The following KLHL41 variants were observed in gnomAD, a reference collection of about 807,000 sequenced individuals.
KLHL41 encodes kelch like family member 41.
In KLHL41, 31 loss-of-function variants were observed where a neutral mutation model predicts 49.2. That is an observed-to-expected ratio of 0.63 (90% CI 0.47 to 0.85). The LOEUF (loss-of-function observed/expected upper bound fraction) is 0.85, where lower values mean the gene tolerates loss of function less well. KLHL41 is among the 40% of genes least tolerant of loss of function. KLHL41 has a pLI of 0.00. For synonymous variants in KLHL41, 218 were observed against 258.5 expected (o/e 0.84, Z 1.50); for missense variants, 663 against 726.7 (o/e 0.91, Z 1.01).
rs147294651 is a variant in KLHL41, at chr2:169,510,176, G to C, written c.398G>C (p.Gly133Ala). 3 of 1,613,942 alleles carry C rather than the reference G, an allele frequency of 1.9e-6. No homozygotes were observed. The African/African-American group carries it at 4.0e-5, about 22-fold the overall frequency. Residue 133 changes from glycine (G) to alanine (A), a missense_variant, in exon 1 of 6, where the codon GGT (glycine) becomes GCT (alanine). Coordinates refer to ENST00000284669, the MANE Select transcript of KLHL41 (RefSeq NM_006063.3). The surrounding 1 kb of genome is among the most constrained non-coding windows in gnomAD (Gnocchi z 4.2). ...VSYLQKRLAP[G>A]NCLAILRLGL... ...TATCTTCAGAAAAGACTTGCTCCTG[G>C]TAACTGTCTAGCCATCCTAAGATTA...
In KLHL41 at chr2:169,520,300, G is replaced by A. The variant is rs187613343; in HGVS notation, c.1563-561G>A. On this transcript the variant is annotated intron_variant, in intron 4 of 5. Transcript: ENST00000284669. ...AGTGTGTGTGTGTGTGTGTGTGTGT[G>A]TGTGTGTGTGTATGTGTGTGTGTGT... 8.5e-3 allele frequency among the ~76,000 whole-genome samples: 969 copies of A among 113,396 alleles called. 19 individuals carry two copies. The highest frequency in any genetic ancestry group is 0.025 in the African/African-American group (906 of 36,112). 74.4% of individuals were successfully genotyped at this position (113,396 alleles called of 152,430 possible). A position where few individuals can be genotyped will look rare whatever the true frequency, so the allele number is the denominator to read the frequency against.
intron 4 of KLHL41, among the ~76,000 whole-genome samples, chr2:169,520,053 G>A (rs1383598396): frequency 6.6e-6 from 1 of 151,690 alleles, no homozygotes; most frequent in Non-Finnish European, 1.5e-5. Flanking sequence ...AGGCTGGAAT[G>A]CAGCAATGCG....
chr2:169,511,125 G>C (rs911494726), intron 1 of KLHL41, among the ~76,000 whole-genome samples: 1 of 152,186 alleles, frequency 6.6e-6, no homozygotes, highest in Non-Finnish European at 1.5e-5. Flanking sequence ...AATGACTTAA[G>C]ATGTTCTTTA....
At chr2:169,521,745 A>G (rs944772336) in intron 5 of KLHL41, among the ~76,000 whole-genome samples, 1 of 152,206 alleles carries the variant, frequency 6.6e-6, no homozygotes, top group Non-Finnish European at 1.5e-5. Flanking sequence ...TTCTGTTTTC[A>G]ATCTAATTTA....
chr2:169,522,861 T>C (rs548742752), intron 5 of KLHL41, among the ~76,000 whole-genome samples: 12 of 151,924 alleles, frequency 7.9e-5, no homozygotes, highest in Admixed American at 7.2e-4. Flanking sequence ...CAGCTGGGAC[T>C]ACAGGTGTGC....
At chr2:169,519,354 T>C (rs1684164428) in intron 4 of KLHL41, among the ~76,000 whole-genome samples, 1 of 152,192 alleles carries the variant, frequency 6.6e-6, no homozygotes, top group South Asian at 2.1e-4. Flanking sequence ...AAACAGACTT[T>C]AGTATCTGAA....
chr2:169,521,925 G>C (rs958382625), intron 5 of KLHL41, among the ~76,000 whole-genome samples: 1 of 151,030 alleles, frequency 6.6e-6, no homozygotes, highest in Non-Finnish European at 1.5e-5. Flanking sequence ...TAAAAAAAAA[G>C]TTTGTTTTTA....
rs112320296 is a variant in KLHL41 at position 169,510,209 on chromosome 2, T to C, written c.431T>C (p.Leu144Pro). The C allele has an allele frequency of 3.1e-6, 5 of 1,614,000 alleles. No individual in the cohort carries two copies. Among genetic ancestry groups the C allele is most frequent in the Non-Finnish European group, 4.2e-6 (5 of 1,180,046 alleles). Residue 144 changes from leucine to proline, a missense_variant, in exon 1 of 6, where the codon CTT (leucine) becomes CCT (proline). Leu to Pro is a moderately conservative substitution (Grantham distance 98). Around this residue, in one of 3 missense-constraint regions of KLHL41, gnomAD observed 528 missense variants for 581.0 expected, o/e 0.91. Coordinates refer to ENST00000284669, the MANE Select transcript of KLHL41 (RefSeq NM_006063.3). The surrounding 1 kb of genome is among the most constrained non-coding windows in gnomAD (Gnocchi z 4.2). ...NCLAILRLGL[L>P]LDCPRLAISA... ...CTAGCCATCCTAAGATTAGGACTTCTTCTTGACTGCCCGAGACTCGCCATT... is the reference window on the plus strand; with the variant it reads ...CTAGCCATCCTAAGATTAGGACTTCCTCTTGACTGCCCGAGACTCGCCATT...
chr2:169,522,147 G>A (rs966219381), intron 5 of KLHL41, among the ~76,000 whole-genome samples: 1 of 152,160 alleles, frequency 6.6e-6, no homozygotes, highest in African/African-American at 2.4e-5. Context: ...CTTAATCAGT[G>A]AAGGCATACC....
chr2:169,513,671 G>A (rs1046419398), intron 1 of KLHL41, among the ~76,000 whole-genome samples: 1 of 152,212 alleles, frequency 6.6e-6, no homozygotes, highest in African/African-American at 2.4e-5. Flanking sequence ...GTGAAACTGG[G>A]TTTTATTCAT....
Position 169,514,866 on chromosome 2 carries a change from G to A in KLHL41, c.1281G>A (p.Trp427Ter). 6.2e-7 allele frequency: 1 copy of A among 1,604,474 alleles called. No homozygotes were observed. The highest frequency in any genetic ancestry group is 1.7e-5 in the Admixed American group (1 of 57,356). ...CGTTTAATTTTAGGGCTGCAAAATG[G>A]AACGAAGTAAAAAAACTCCCTATCA... Reference protein sequence around the residue: ...VLCYDPVAAKWNEVKKLPIKV... With the variant: ...VLCYDPVAAK Residue 427 changes from tryptophan (W) to a stop codon, truncating the protein, a stop_gained, in exon 3 of 6, where the codon TGG (tryptophan) becomes TGA (stop). Transcript: ENST00000284669. LOFTEE classifies it high-confidence loss of function.
At chr2:169,512,674 G>A (rs930421066) in intron 1 of KLHL41, among the ~76,000 whole-genome samples, 7 of 152,084 alleles carry the variant, frequency 4.6e-5, no homozygotes, top group Non-Finnish European at 7.4e-5. Flanking sequence ...CAAAGCAAAT[G>A]CCTTGCTGCT....
In KLHL41 at chr2:169,510,568, C is replaced by A; in HGVS notation, c.790C>A (p.Pro264Thr). Reference sequence around the variant, plus strand: ...AAAAGATGCTTTCGCAGGCAAACTCCCAGAACCTAGCAAAAATGCCGCGAA... The same window carrying A: ...AAAAGATGCTTTCGCAGGCAAACTCACAGAACCTAGCAAAAATGCCGCGAA... ...VLKDAFAGKL[P>T]EPSKNAAKTG... The change falls in exon 1 of 6, where the codon CCA becomes ACA. Residue 264 changes from proline (P) to threonine (T), a missense_variant. Pro to Thr is a conservative substitution (Grantham distance 38). This residue lies in a region of KLHL41 where 528 missense variants were observed against 581.0 expected (regional missense o/e 0.91). Transcript: ENST00000284669. This position sits in a 1 kb window ranked among gnomAD's most constrained non-coding sequence, Gnocchi z 4.2. 6.2e-7 allele frequency: 1 copy of A among 1,614,098 alleles called. No homozygotes were observed. Among genetic ancestry groups the A allele is most frequent in the Non-Finnish European group, 8.5e-7 (1 of 1,180,008 alleles).
rs59155387 is a variant in KLHL41, at chr2:169,520,152, CTGTGTGTGTGTGTGTGTG to C, written c.1563-669_1563-652del. ...TAGGGACATACCACCAGGCCTAGCT[CTGTGTGTGTGTGTGTGTG>C]TGTGTGTGTGTGTGTGTGTGTGTGT... On this transcript the variant is annotated intron_variant, in intron 4 of 5. Coordinates refer to ENST00000284669, the MANE Select transcript of KLHL41 (RefSeq NM_006063.3). 5.5e-3 allele frequency among the ~76,000 whole-genome samples: 575 copies of C among 105,028 alleles called. 4 individuals carry two copies. The highest frequency in any genetic ancestry group is 0.018 in the African/African-American group (460 of 25,234). The allele number at this position is 105,028 out of a possible 152,430, so 68.9% of individuals were successfully genotyped here. A position where few individuals can be genotyped will look rare whatever the true frequency, so the allele number is the denominator to read the frequency against.
chr2:169,516,622 C>G (rs1684117204), intron 3 of KLHL41, among the ~76,000 whole-genome samples: 1 of 152,198 alleles, frequency 6.6e-6, no homozygotes, highest in African/African-American at 2.4e-5. Flanking sequence ...AAGAAGCATA[C>G]AGTTCTTGTC....
Position 169,510,444 on chromosome 2 carries a change from C to T in KLHL41, c.666C>T (p.Ile222=), listed in dbSNP as rs200835521. ...ACCTTAGTGAAGTGTTTGATTGTAT[C>T]CGTTTTCGCCTTATGACAGAAAAAT... ...VKNLSEVFDC[I]RFRLMTEKYF... is the part of the protein sequence containing the mutation. The change falls in exon 1 of 6, where the codon ATC becomes ATT. Residue 222 remains isoleucine (I), a synonymous_variant. Transcript: ENST00000284669. The surrounding 1 kb of genome is among the most constrained non-coding windows in gnomAD (Gnocchi z 4.2). The T allele has an allele frequency of 3.7e-6, 6 of 1,613,996 alleles. No individual in the cohort carries two copies. Among genetic ancestry groups the T allele is most frequent in the Non-Finnish European group, 5.1e-6 (6 of 1,180,002 alleles).
Position 169,520,849 on chromosome 2 carries a change from A to T in KLHL41, c.1563-12A>T, listed in dbSNP as rs900388205. The T allele has an allele frequency of 5.1e-6, 8 of 1,579,606 alleles. No homozygotes were observed. The highest frequency in any genetic ancestry group is 1.1e-5 in the South Asian group (1 of 87,750). On this transcript the variant is annotated splice_polypyrimidine_tract_variant and intron_variant, in intron 4 of 5. Coordinates refer to ENST00000284669, the MANE Select transcript of KLHL41 (RefSeq NM_006063.3). Reference sequence around the variant, plus strand: ...TAAGTTTTACATTGACTATATTTTTAATGATACCTAGATGGGATGTAATGA... The same window carrying T: ...TAAGTTTTACATTGACTATATTTTTTATGATACCTAGATGGGATGTAATGA...
intron 4 of KLHL41, 127 bp from the exon 5 acceptor site, chr2:169,520,734 T>G: frequency 2.8e-6 from 2 of 710,076 alleles, no homozygotes; most frequent in Non-Finnish European, 4.6e-6. Context: ...ATTACCGGCA[T>G]GAGCCACCGC....
chr2:169,525,243 T>C (rs1684283384), intron 5 of KLHL41, among the ~76,000 whole-genome samples: 1 of 151,794 alleles, frequency 6.6e-6, no homozygotes, highest in African/African-American at 2.4e-5. Context: ...TAAGCAAGAG[T>C]CTGCTTACTT....
Sources: allele counts gnomAD v4.1 joint callset (sites outside exome capture counted in the v4.1 genomes callset), GRCh38; gene constraint gnomAD v4.1.1; regional missense constraint gnomAD v4.1.1; non-coding constraint Gnocchi (gnomAD v3.1); transcripts MANE v1.5; gene names NCBI Gene and HGNC (gene_info 2026-07-23, HGNC 2026-07-21).